Variants in ADAD1 observed in about 807,000 individuals in gnomAD.
The protein encoded by ADAD1 is adenosine deaminase domain-containing protein 1.
Under a neutral mutation model 66.8 loss-of-function variants are expected in ADAD1, and 46 were observed. That is an observed-to-expected ratio of 0.69 (90% CI 0.54 to 0.88). The LOEUF is 0.88. Among genes scored for constraint, ADAD1 ranks in the 40% least tolerant of loss-of-function variants. The pLI is 0.00. For synonymous variants in ADAD1, 248 were observed against 229.4 expected (o/e 1.08, Z -0.73); for missense variants, 617 against 681.8 (o/e 0.91, Z 1.06).
intron 10 of ADAD1, among the ~76,000 whole-genome samples, chr4:122,413,510 A>G (rs936530230): frequency 6.6e-6 from 1 of 152,056 alleles, no homozygotes; most frequent in African/African-American, 2.4e-5. Flanking sequence ...TATCTTGCAA[A>G]TTTGGTAACC....
At chr4:122,399,267 G>A (rs1795858329) in intron 7 of ADAD1, among the ~76,000 whole-genome samples, 1 of 152,006 alleles carries the variant, frequency 6.6e-6, no homozygotes, top group Non-Finnish European at 1.5e-5. Context: ...TGTGTCAAAG[G>A]CCAGTTGACT....
chr4:122,424,097 C>G (rs1797127747), intron 12 of ADAD1, among the ~76,000 whole-genome samples: 1 of 152,144 alleles, frequency 6.6e-6, no homozygotes, highest in Non-Finnish European at 1.5e-5. Context: ...TCCTGGCAAC[C>G]AAGGATTCTA....
At chr4:122,394,163 G>T (rs986772770) in intron 6 of ADAD1, among the ~76,000 whole-genome samples, 2 of 152,022 alleles carry the variant, frequency 1.3e-5, no homozygotes, top group South Asian at 4.1e-4. Context: ...ATCTTATAGG[G>T]TTATCATGAG....
intron 8 of ADAD1, among the ~76,000 whole-genome samples, chr4:122,408,991 G>T (rs566095371): frequency 5.3e-5 from 8 of 152,208 alleles, no homozygotes; most frequent in Admixed American, 2.6e-4. Flanking sequence ...AGTAGGCTTG[G>T]TCTTATTTCA....
rs781186910 is a variant in ADAD1, at chr4:122,421,296, G to T, written c.1523G>T (p.Arg508Leu). The T allele has an allele frequency of 1.9e-6, 3 of 1,603,000 alleles. No individual in the cohort carries two copies. The South Asian group carries it at 3.4e-5, about 18-fold the overall frequency. The change falls in exon 12 of 13, where the codon CGG becomes CTG. Residue 508 changes from arginine (R) to leucine (L), a missense_variant. Transcript: ENST00000296513. ...AAAAGTGGTATGTCAATGGCAAGTC[G>T]GCTTTGTAAGGCTGCAATGTTAAGT... is the stretch of plus-strand genomic sequence containing the variant. ...PFKSGMSMASRLCKAAMLSRF... is the reference protein window; with the variant it reads ...PFKSGMSMASLLCKAAMLSRF...
chr4:122,380,394 G>A, intron 3 of ADAD1, 153 bp downstream of exon 3: 1 of 876,924 alleles, frequency 1.1e-6, no homozygotes, highest in Non-Finnish European at 1.7e-6. Context: ...CTCAACATTT[G>A]GAGGAGGCCT....
At chr4:122,389,466 C>T (rs929945264) in intron 5 of ADAD1, among the ~76,000 whole-genome samples, 1 of 152,144 alleles carries the variant, frequency 6.6e-6, no homozygotes, top group African/African-American at 2.4e-5. Flanking sequence ...GTTAAAGTCT[C>T]CCACTATTAT....
intron 11 of ADAD1, among the ~76,000 whole-genome samples, chr4:122,417,384 C>T (rs2150592287): frequency 7.1e-6 from 1 of 140,252 alleles, no homozygotes; most frequent in South Asian, 2.3e-4. Flanking sequence ...AAATATTAGA[C>T]AAGGTGTAAT....
intron 6 of ADAD1, among the ~76,000 whole-genome samples, chr4:122,395,302 C>T (rs1391817891): frequency 1.3e-5 from 2 of 152,082 alleles, no homozygotes; most frequent in Non-Finnish European, 2.9e-5. Context: ...CCACCTCCCT[C>T]AGCCTCCCAA....
intron 6 of ADAD1, among the ~76,000 whole-genome samples, chr4:122,394,617 T>C (rs536782691): frequency 1.3e-5 from 2 of 152,264 alleles, no homozygotes; most frequent in East Asian, 1.9e-4. Flanking sequence ...TTAGATATAG[T>C]GTGTGGCCTA....
chr4:122,404,759 G>A (rs1796132452), intron 7 of ADAD1, among the ~76,000 whole-genome samples: 1 of 152,030 alleles, frequency 6.6e-6, no homozygotes, highest in African/African-American at 2.4e-5. Flanking sequence ...GGGTCTATAA[G>A]AAGCTATCAG....
chr4:122,424,837 A>T (rs548886840), intron 12 of ADAD1, among the ~76,000 whole-genome samples: 1 of 152,120 alleles, frequency 6.6e-6, no homozygotes, highest in Non-Finnish European at 1.5e-5. Context: ...CAACAAACAC[A>T]TTTTAAATTC....
intron 12 of ADAD1, among the ~76,000 whole-genome samples, 189 bp from the exon 13 acceptor site, chr4:122,429,437 A>AT (rs2150622045): frequency 6.6e-6 from 1 of 152,026 alleles, no homozygotes; most frequent in East Asian, 1.9e-4. Context: ...AAAAAAAAAA[A>AT]GGAGAATAAT....
At chr4:122,428,932 A>G (rs990500735) in intron 12 of ADAD1, among the ~76,000 whole-genome samples, 2 of 152,200 alleles carry the variant, frequency 1.3e-5, no homozygotes, top group African/African-American at 4.8e-5. Flanking sequence ...CCAGCTTGTT[A>G]AAAGTTCATT....
At chr4:122,406,899 A>G (rs1409947884) in intron 7 of ADAD1, among the ~76,000 whole-genome samples, 1 of 152,154 alleles carries the variant, frequency 6.6e-6, no homozygotes. Context: ...TATAAGCCCC[A>G]TAATTGTTTC....
chr4:122,395,436 A>G (rs559317054), intron 6 of ADAD1, among the ~76,000 whole-genome samples: 1 of 152,114 alleles, frequency 6.6e-6, no homozygotes, highest in South Asian at 2.1e-4. Context: ...TGATCCCAGC[A>G]CTTTGTGAGG....
chr4:122,397,882 G>A (rs542763867), intron 7 of ADAD1, among the ~76,000 whole-genome samples: 2 of 152,262 alleles, frequency 1.3e-5, no homozygotes, highest in East Asian at 3.9e-4. Flanking sequence ...TAGATAATAT[G>A]AGTATGAATA....
chr4:122,424,172 T>G (rs1797130998), intron 12 of ADAD1, among the ~76,000 whole-genome samples: 1 of 152,136 alleles, frequency 6.6e-6, no homozygotes, highest in Non-Finnish European at 1.5e-5. Context: ...TAAACTAACG[T>G]TAAGAAAATG....
chr4:122,427,414 C>A (rs1355329000), intron 12 of ADAD1, among the ~76,000 whole-genome samples: 1 of 151,200 alleles, frequency 6.6e-6, no homozygotes, highest in Non-Finnish European at 1.5e-5. Context: ...TGTTAGGTGT[C>A]ACTTCTCTCC....
Sources: allele counts gnomAD v4.1 joint callset (sites outside exome capture counted in the v4.1 genomes callset), GRCh38; gene constraint gnomAD v4.1.1; transcripts MANE v1.5; gene names NCBI Gene and HGNC (gene_info 2026-07-23, HGNC 2026-07-21).